The following AIPL1 variants were observed in gnomAD, a reference collection of about 807,000 sequenced individuals.
AIPL1 encodes AIP like 1 HSP90 co-chaperone.
A neutral mutation model predicts 32.9 loss-of-function variants in AIPL1; 23 were observed. That is an observed-to-expected ratio of 0.70 (90% CI 0.50 to 0.99). The LOEUF (loss-of-function observed/expected upper bound fraction) is 0.99, where lower values mean the gene tolerates loss of function less well. Ranked by LOEUF, AIPL1 falls within the 50% of genes least tolerant of loss-of-function variation. The pLI is 0.00. For synonymous variants in AIPL1, 210 were observed against 209.4 expected, an observed-to-expected ratio of 1.00 and a Z score of -0.02; for missense variants, 485 against 506.0, an observed-to-expected ratio of 0.96 and a Z score of 0.40.
At chr17:6,432,666 C>G (rs555557984) in intron 2 of AIPL1, among the ~76,000 whole-genome samples, 3 of 150,492 alleles carry the variant, frequency 2.0e-5, no homozygotes, top group Non-Finnish European at 2.9e-5. Context: ...GAGTCTCACT[C>G]TGTCGCCAGA....
At position 6,434,117 on chromosome 17, in the gene AIPL1, C is replaced by A. The variant is rs1912927648; in HGVS notation, c.97-19G>T. On this transcript the variant is annotated intron_variant, in intron 1 of 5. Coordinates refer to ENST00000381129, the MANE Select transcript of AIPL1 (RefSeq NM_014336.5). ...AGATCACCTAGTCACCGAGACGGTG[C>A]ACTCTGCTCTAGACACACTGTTCAA... The A allele has an allele frequency of 6.2e-7, 1 of 1,610,430 alleles. No individual in the cohort carries two copies. The highest frequency in any genetic ancestry group is 1.1e-5 in the South Asian group (1 of 90,756).
chr17:6,425,309 T>C lies in AIPL1; in HGVS notation c.*151A>G, dbSNP rs1489620322. 8.5e-5 allele frequency: 14 copies of C among 164,544 alleles called. No homozygotes were observed. The highest frequency in any genetic ancestry group is 1.4e-4 in the Non-Finnish European group (14 of 102,406). The allele number at this position is 164,544 out of a possible 1,614,324, so 10.2% of individuals were successfully genotyped here. A position where few individuals can be genotyped will look rare whatever the true frequency, so the allele number is the denominator to read the frequency against. On this transcript the variant is annotated 3_prime_UTR_variant, in exon 6 of 6. Coordinates refer to ENST00000381129, the MANE Select transcript of AIPL1 (RefSeq NM_014336.5). ...AGCTCTTCTGTACCCTTGGGATTGT[T>C]TTTTTTTTTTTTTTTACCATGGGTG...
rs1278018147 is a variant in AIPL1, at chr17:6,433,636, C to CAT, written c.276+282_276+283insAT. ...TCACACACACACACACACACACACA[C>CAT]ACACACACACACACACACAGATGTG... On this transcript the variant is annotated intron_variant, in intron 2 of 5. Transcript: ENST00000381129. Among the ~76,000 whole-genome samples, 220 of 151,464 alleles carry CAT rather than the reference C, an allele frequency of 1.5e-3. 2 individuals carry two copies. The Middle Eastern group carries it at 0.027, about 19-fold the overall frequency.
intron 5 of AIPL1, chr17:6,426,402 C>G: frequency 7.0e-7 from 1 of 1,432,776 alleles, no homozygotes; most frequent in Non-Finnish European, 9.1e-7. Flanking sequence ...GGTAAGTGTT[C>G]AAACACACAT....
intron 2 of AIPL1, among the ~76,000 whole-genome samples, chr17:6,433,586 A>ATCTCTCTCTCTCTCTCTCTCTCTCTC (rs149646818): frequency 6.1e-5 from 4 of 65,626 alleles, no homozygotes; most frequent in Non-Finnish European, 1.1e-4. Flanking sequence ...GCGAGACCCT[A>ATCTCTCTCTCTCTCTCTCTCTCTCTC]TCTCTCTCTC....
chr17:6,433,015 A>C (rs564299094), intron 2 of AIPL1, among the ~76,000 whole-genome samples: 80 of 152,348 alleles, frequency 5.3e-4, no homozygotes, highest in African/African-American at 1.6e-3. Flanking sequence ...TTGGGAGATG[A>C]AGCAAGACCA....
chr17:6,425,338 C>G lies in AIPL1; in HGVS notation c.*122G>C. 9 of 1,110,366 alleles carry G rather than the reference C, an allele frequency of 8.1e-6. No individual in the cohort carries two copies. Among genetic ancestry groups the G allele is most frequent in the African/African-American group, 1.7e-5 (1 of 59,380 alleles). 68.8% of individuals were successfully genotyped at this position (1,110,366 alleles called of 1,614,324 possible). On this transcript the variant is annotated 3_prime_UTR_variant, in exon 6 of 6. Coordinates refer to ENST00000381129, the MANE Select transcript of AIPL1 (RefSeq NM_014336.5). Reference sequence around the variant, plus strand: ...TTTTTTTTTTTTACCATGGGTGTGTCTGACTTTGATTTCAAAAATTAATTT... The same window carrying G: ...TTTTTTTTTTTTACCATGGGTGTGTGTGACTTTGATTTCAAAAATTAATTT...
At chr17:6,427,214 C>G in intron 3 of AIPL1, 157 bp from the exon 4 acceptor site, 1 of 789,158 alleles carries the variant, frequency 1.3e-6, no homozygotes, top group Non-Finnish European at 2.1e-6. Context: ...GCCGAAAACC[C>G]TGCCCTAAAT....
chr17:6,433,586 ATCTCTC>A (rs149646818), intron 2 of AIPL1, among the ~76,000 whole-genome samples: 2 of 65,618 alleles, frequency 3.0e-5, no homozygotes, highest in African/African-American at 6.5e-5. Flanking sequence ...GCGAGACCCT[ATCTCTC>A]TCTCTCTCTC....
At chr17:6,429,824 G>GTAGGTAGA (rs1449995554) in intron 2 of AIPL1, among the ~76,000 whole-genome samples, 5 of 67,528 alleles carry the variant, frequency 7.4e-5, no homozygotes, top group African/African-American at 1.1e-4. Context: ...AGGTAGGTAG[G>GTAGGTAGA]TAGATAGATA....
chr17:6,426,424 G>A, intron 5 of AIPL1, 191 bp downstream of exon 5: 1 of 1,444,498 alleles, frequency 6.9e-7, no homozygotes, highest in Non-Finnish European at 9.1e-7. Flanking sequence ...AAAATAAAGG[G>A]CCGCCCCGCG....
Position 6,423,776 on chromosome 17 carries a change from A to G in AIPL1, c.*1684T>C, listed in dbSNP as rs1243382420. ...TGTTTATTGATTTTCAGATTGTAGA[A>G]TCAACCTATGGACAAAGCACAGAAG... On this transcript the variant is annotated 3_prime_UTR_variant, in exon 6 of 6. Transcript: ENST00000381129. The G allele has an allele frequency of 6.6e-6, 1 of 152,266 alleles. No individual in the cohort carries two copies. Among genetic ancestry groups the G allele is most frequent in the Non-Finnish European group, 1.5e-5 (1 of 68,050 alleles). The allele number at this position is 152,266 out of a possible 1,614,324, so 9.4% of individuals were successfully genotyped here. A position where few individuals can be genotyped will look rare whatever the true frequency, so the allele number is the denominator to read the frequency against.
rs140808549 is a variant in AIPL1, at chr17:6,428,508, T to C, written c.277-2A>G. Reference sequence around the variant, plus strand: ...TAGGATGGGGTAGACCCCCGTGTGCTGTGGGGATAAACGGATGGATGGCAT... The same window carrying C: ...TAGGATGGGGTAGACCCCCGTGTGCCGTGGGGATAAACGGATGGATGGCAT... On this transcript the variant is annotated splice_acceptor_variant, in intron 2 of 5. Coordinates refer to ENST00000381129, the MANE Select transcript of AIPL1 (RefSeq NM_014336.5). LOFTEE classifies it high-confidence loss of function. The C allele has an allele frequency of 8.4e-5, 135 of 1,613,758 alleles. No homozygotes were observed. Among genetic ancestry groups the C allele is most frequent in the Non-Finnish European group, 1.1e-4 (126 of 1,179,980 alleles).
intron 2 of AIPL1, among the ~76,000 whole-genome samples, chr17:6,432,052 C>T (rs1912651085): frequency 6.6e-6 from 1 of 152,132 alleles, no homozygotes; most frequent in Non-Finnish European, 1.5e-5. Flanking sequence ...GGATAAATGA[C>T]CCAGTTCCTT....
intron 2 of AIPL1, 50 bp from the exon 3 acceptor site, chr17:6,428,556 G>A: frequency 1.3e-6 from 2 of 1,582,464 alleles, no homozygotes; most frequent in African/African-American, 2.7e-5. Context: ...CCCAGAGCTA[G>A]GTGGGCCATA....
At chr17:6,427,160 G>A in intron 3 of AIPL1, 103 bp from the exon 4 acceptor site, 1 of 1,318,050 alleles carries the variant, frequency 7.6e-7, no homozygotes, top group Non-Finnish European at 1.1e-6. Context: ...CTGAAGTCAT[G>A]CTTGCTGGTC....
At chr17:6,427,121 C>A in intron 3 of AIPL1, 64 bp from the exon 4 acceptor site, 1 of 1,573,434 alleles carries the variant, frequency 6.4e-7, no homozygotes. Flanking sequence ...ATCAGAGACC[C>A]GAAAAACAGG....
At chr17:6,426,828 G>A (rs902392379) in intron 4 of AIPL1, 53 bp downstream of exon 4, 58 of 1,612,612 alleles carry the variant, frequency 3.6e-5, no homozygotes, top group Non-Finnish European at 4.7e-5. Flanking sequence ...CCGGCACTGG[G>A]CAGGCCCCCC....
At chr17:6,433,454 G>A (rs1196414041) in intron 2 of AIPL1, among the ~76,000 whole-genome samples, 1 of 152,110 alleles carries the variant, frequency 6.6e-6, no homozygotes, top group African/African-American at 2.4e-5. Context: ...AAAATGAGGT[G>A]TGGTGGTGCA....
Sources: gnomAD v4.1 joint callset for allele counts (sites outside exome capture counted in the v4.1 genomes callset) on GRCh38, gnomAD v4.1.1 for gene constraint, MANE v1.5 for transcripts, NCBI Gene and HGNC (gene_info 2026-07-23, HGNC 2026-07-21) for gene names.